Variants in RELN observed in about 807,000 individuals in gnomAD.
RELN encodes reelin.
In RELN, 108 loss-of-function variants were observed where a neutral mutation model predicts 427.6. The observed-to-expected ratio is 0.25, with a 90% CI of 0.22 to 0.30. The LOEUF (loss-of-function observed/expected upper bound fraction) is 0.30. Ranked by LOEUF, RELN falls within the 10% of genes least tolerant of loss-of-function variation. The probability of loss-of-function intolerance (pLI) is 1.00; values close to 1 mark genes in which losing one functional copy is unlikely to be tolerated. For missense variants in RELN, 3,715 were observed against 4,302.8 expected, an observed-to-expected ratio of 0.86 and a Z score of 3.82; for synonymous variants, 1,524 against 1,513.4, an observed-to-expected ratio of 1.01 and a Z score of -0.16.
chr7:103,483,596 C>T, intron 62 of RELN, 57 bp downstream of exon 62: 1 of 1,568,458 alleles, frequency 6.4e-7, no homozygotes, highest in Non-Finnish European at 8.8e-7. Flanking sequence ...TTGTGATTCC[C>T]AGGGATTCAC....
At chr7:103,599,999 C>T (rs775591973) in intron 24 of RELN, among the ~76,000 whole-genome samples, 7 of 152,154 alleles carry the variant, frequency 4.6e-5, no homozygotes, top group African/African-American at 1.7e-4. Context: ...TAGGCTCAAG[C>T]GATCCTTCTG....
intron 3 of RELN, among the ~76,000 whole-genome samples, chr7:103,784,674 T>A (rs1791974702): frequency 1.3e-5 from 2 of 152,188 alleles, no homozygotes; most frequent in African/African-American, 4.8e-5. Flanking sequence ...CAAACCATTA[T>A]GGATTATGAA....
At chr7:103,897,437 GCTC>G (rs1308994188) in intron 2 of RELN, among the ~76,000 whole-genome samples, 4 of 151,952 alleles carry the variant, frequency 2.6e-5, no homozygotes, top group Non-Finnish European at 5.9e-5. Flanking sequence ...CCTGGTGTGT[GCTC>G]ACATGTGTAT....
chr7:103,802,097 T>A (rs1792482481), intron 3 of RELN, among the ~76,000 whole-genome samples: 1 of 152,166 alleles, frequency 6.6e-6, no homozygotes, highest in Non-Finnish European at 1.5e-5. Flanking sequence ...CCAGGTTTCC[T>A]CTTGGTCAGA....
At chr7:103,800,567 AC>A (rs773543549) in intron 3 of RELN, among the ~76,000 whole-genome samples, 26 of 152,214 alleles carry the variant, frequency 1.7e-4, no homozygotes, top group Non-Finnish European at 3.1e-4. Flanking sequence ...TACACCTTAT[AC>A]AAAAATTAAT....
chr7:103,872,213 C>A (rs1230098129), intron 2 of RELN, among the ~76,000 whole-genome samples: 1 of 95,296 alleles, frequency 1.0e-5, no homozygotes, highest in African/African-American at 3.8e-5. Flanking sequence ...TCCCTCCCCC[C>A]TCCCCCCACC....
intron 2 of RELN, among the ~76,000 whole-genome samples, chr7:103,908,421 C>T (rs530165514): frequency 2.6e-5 from 4 of 152,050 alleles, no homozygotes; most frequent in Non-Finnish European, 5.9e-5. Context: ...CATGGTTATT[C>T]TTGGTTTACA....
At chr7:103,594,017 T>G in intron 26 of RELN, 135 bp from the exon 27 acceptor site, 1 of 755,144 alleles carries the variant, frequency 1.3e-6, no homozygotes, top group Non-Finnish European at 2.2e-6. Flanking sequence ...CTCTATTTTT[T>G]TTTACTGCTA....
At chr7:103,887,595 A>G (rs1794752981) in intron 2 of RELN, among the ~76,000 whole-genome samples, 1 of 152,106 alleles carries the variant, frequency 6.6e-6, no homozygotes, top group African/African-American at 2.4e-5. Context: ...TTTACAGTCC[A>G]CTCTGGCTAT....
intron 48 of RELN, among the ~76,000 whole-genome samples, chr7:103,519,995 C>T (rs990187673): frequency 6.6e-6 from 1 of 152,138 alleles, no homozygotes; most frequent in Non-Finnish European, 1.5e-5. Context: ...TTTGAAATTT[C>T]AGCATTCAAG....
intron 22 of RELN, among the ~76,000 whole-genome samples, chr7:103,605,924 A>G (rs1435291250): frequency 6.6e-6 from 1 of 152,216 alleles, no homozygotes; most frequent in African/African-American, 2.4e-5. Context: ...GCTGCATATC[A>G]GTGCTTGTCA....
chr7:103,982,185 C>G (rs934917200), intron 1 of RELN, among the ~76,000 whole-genome samples: 10 of 151,954 alleles, frequency 6.6e-5, no homozygotes, highest in African/African-American at 2.4e-4. Flanking sequence ...TAAAAAGAAC[C>G]TTCCCAAAGA....
chr7:103,726,573 G>A (rs1017516531), intron 7 of RELN, among the ~76,000 whole-genome samples: 57 of 151,934 alleles, frequency 3.8e-4, no homozygotes, highest in Admixed American at 1.5e-3. Flanking sequence ...ACATACATAG[G>A]ATTAACTAAT....
chr7:103,881,038 A>T (rs754769622), intron 2 of RELN, among the ~76,000 whole-genome samples: 3 of 152,148 alleles, frequency 2.0e-5, no homozygotes, highest in African/African-American at 7.2e-5. Context: ...ATATTAAAGC[A>T]TGCCAAGGAC....
intron 2 of RELN, among the ~76,000 whole-genome samples, chr7:103,884,185 G>C (rs1584330670): frequency 1.3e-5 from 2 of 152,274 alleles, no homozygotes; most frequent in South Asian, 4.1e-4. Context: ...ATGGGGAAAG[G>C]ATTCCCTATT....
chr7:103,985,732 G>A (rs992016213), intron 1 of RELN, among the ~76,000 whole-genome samples: 5 of 152,288 alleles, frequency 3.3e-5, no homozygotes, highest in African/African-American at 1.2e-4. Flanking sequence ...GGCGAGGAGT[G>A]GCAAACAAAA....
rs201656873 is a variant in RELN at position 103,498,122 on chromosome 7, G to A, written c.8798C>T (p.Thr2933Ile). 2.2e-4 allele frequency: 354 copies of A among 1,614,114 alleles called. 3 individuals carry two copies. The highest frequency in any genetic ancestry group is 9.9e-4 in the Middle Eastern group (6 of 6,062). ...EDTALYFGGS[T>I]VRQAVTQDLD... ...ATCTTGTGTAACCGCTTGTCTCACA[G>A]TGGATCCCCCAAAATAGAGTGCAGT... The change falls in exon 54 of 65, where the codon ACT (threonine) becomes ATT (isoleucine). Residue 2933 changes from threonine to isoleucine, a missense_variant. Coordinates refer to ENST00000428762, the MANE Select transcript of RELN (RefSeq NM_005045.4).
chr7:103,972,773 G>A (rs748365359), intron 1 of RELN, among the ~76,000 whole-genome samples: 2 of 152,144 alleles, frequency 1.3e-5, no homozygotes, highest in African/African-American at 4.8e-5. Context: ...AGCTAAATTA[G>A]AAAGAACAAG....
intron 34 of RELN, among the ~76,000 whole-genome samples, chr7:103,565,054 T>C (rs1048758741): frequency 1.5e-4 from 23 of 152,230 alleles, no homozygotes; most frequent in African/African-American, 5.1e-4. Flanking sequence ...GCAGCCTTTA[T>C]GCTGGCAAAG....
Sources: gnomAD v4.1 joint callset for allele counts (sites outside exome capture counted in the v4.1 genomes callset) on GRCh38, gnomAD v4.1.1 for gene constraint, MANE v1.5 for transcripts, NCBI Gene and HGNC (gene_info 2026-07-23, HGNC 2026-07-21) for gene names.